MKX: variants seen among roughly 807,000 people sequenced by gnomAD.
The protein encoded by MKX is homeobox protein Mohawk.
Under a neutral mutation model 36.0 loss-of-function variants are expected in MKX, and 13 were observed. That is an observed-to-expected ratio of 0.36 (90% CI 0.24 to 0.57). The LOEUF (loss-of-function observed/expected upper bound fraction) is 0.57. Ranked by LOEUF, MKX falls within the 20% of genes least tolerant of loss-of-function variation. The probability of loss-of-function intolerance (pLI) is 0.79; values close to 1 mark genes in which losing one functional copy is unlikely to be tolerated. For synonymous variants in MKX, 176 were observed against 178.3 expected (o/e 0.99, Z 0.10); for missense variants, 458 against 456.4 (o/e 1.00, Z -0.03).
In MKX at chr10:27,736,390, T is replaced by G. The variant is rs879657457; in HGVS notation, c.349-1016A>C. 4.8e-3 allele frequency among the ~76,000 whole-genome samples: 733 copies of G among 152,302 alleles called. 21 individuals are homozygous for G. Among genetic ancestry groups the G allele is most frequent in the Admixed American group, 0.039 (598 of 15,298 alleles). On this transcript the variant is annotated intron_variant, in intron 3 of 6. Transcript: ENST00000419761. The stretch of plus-strand genomic sequence containing the variant: ...AGAAAAGCTACTTCCATTCTTTTTT[T>G]TTTAAAGATGTTACTGGATTTGATA...
At chr10:27,696,112 C>T (rs1357534610) in intron 5 of MKX, among the ~76,000 whole-genome samples, 1 of 152,172 alleles carries the variant, frequency 6.6e-6, no homozygotes, top group South Asian at 2.1e-4. Context: ...TAACCACACT[C>T]TATTCCTCAA....
chr10:27,712,791 G>T (rs1836895521), intron 5 of MKX, among the ~76,000 whole-genome samples: 1 of 152,154 alleles, frequency 6.6e-6, no homozygotes, highest in African/African-American at 2.4e-5. Flanking sequence ...TAAAATGTTA[G>T]CAAGGTGCAG....
chr10:27,706,549 G>C (rs1007448184), intron 5 of MKX, among the ~76,000 whole-genome samples: 1 of 134,136 alleles, frequency 7.5e-6, no homozygotes, highest in African/African-American at 3.7e-5. Context: ...TAATTCCTGT[G>C]TGTGTGTGTG....
intron 5 of MKX, among the ~76,000 whole-genome samples, chr10:27,719,978 C>CAAAAA (rs201683975): frequency 1.2e-5 from 1 of 84,572 alleles, no homozygotes; most frequent in African/African-American, 3.5e-5. Flanking sequence ...AACAGAGTCT[C>CAAAAA]AAAAAAAAAA....
In MKX at chr10:27,717,507, A is replaced by G. The variant is rs79187415; in HGVS notation, c.838+16949T>C. Among the ~76,000 whole-genome samples, 369 of 152,286 alleles carry G rather than the reference A, an allele frequency of 2.4e-3. 1 individual carries two copies. Among genetic ancestry groups the G allele is most frequent in the African/African-American group, 8.5e-3 (352 of 41,568 alleles). ...TGTAGGTACCATGATCTCAGGCTGG[A>G]CGTCTGGCATTTCTCTTGCCCTTCT... is the stretch of plus-strand genomic sequence containing the variant. On this transcript the variant is annotated intron_variant, in intron 5 of 6. Transcript: ENST00000419761.
chr10:27,734,878 T>C, intron 4 of MKX, 87 bp from the exon 5 acceptor site: 1 of 743,784 alleles, frequency 1.3e-6, no homozygotes. Flanking sequence ...TAAAAATATA[T>C]AAAGGAAATA....
chr10:27,740,189 A>G (rs1834862687), intron 3 of MKX, among the ~76,000 whole-genome samples: 1 of 152,214 alleles, frequency 6.6e-6, no homozygotes. Flanking sequence ...TAATTCCTAA[A>G]GGGAAATTTT....
intron 5 of MKX, among the ~76,000 whole-genome samples, chr10:27,716,899 C>T (rs1836975764): frequency 6.6e-6 from 1 of 152,126 alleles, no homozygotes; most frequent in Admixed American, 6.5e-5. Flanking sequence ...GATGATCAAT[C>T]AGTTGACCTT....
chr10:27,684,330 A>G (rs906677353), intron 5 of MKX, among the ~76,000 whole-genome samples: 2 of 151,980 alleles, frequency 1.3e-5, no homozygotes, highest in African/African-American at 2.4e-5. Flanking sequence ...AGAAAAAAAT[A>G]TATATATATA....
intron 5 of MKX, among the ~76,000 whole-genome samples, chr10:27,708,597 C>T (rs1018554069): frequency 3.9e-5 from 6 of 151,966 alleles, no homozygotes; most frequent in African/African-American, 1.2e-4. Context: ...AGCGTGGTGG[C>T]GTGCGCCTCT....
At chr10:27,703,678 C>T (rs1203147075) in intron 5 of MKX, among the ~76,000 whole-genome samples, 2 of 152,052 alleles carry the variant, frequency 1.3e-5, no homozygotes, top group African/African-American at 4.8e-5. Flanking sequence ...GCGGGCGGAT[C>T]ACTTGAGGTC....
At chr10:27,680,935 G>A (rs1836242877) in intron 5 of MKX, among the ~76,000 whole-genome samples, 1 of 152,138 alleles carries the variant, frequency 6.6e-6, no homozygotes. Flanking sequence ...CAGACCACTA[G>A]GATTATTTGA....
rs1836086986 is a variant in MKX, at chr10:27,673,508, A to G, written c.*1721T>C. 1 of 152,596 alleles carries G rather than the reference A, an allele frequency of 6.6e-6. No individual in the cohort carries two copies. The highest frequency in any genetic ancestry group is 2.1e-4 in the South Asian group (1 of 4,832). 9.5% of individuals were successfully genotyped at this position (152,596 alleles called of 1,614,324 possible). ...GTTTTGCAAAGATTCCAAAGTTTTT[A>G]TCAGAGATCTCTAACTATTTAAGGA... On this transcript the variant is annotated 3_prime_UTR_variant, in exon 7 of 7. Coordinates refer to ENST00000419761, the MANE Select transcript of MKX (RefSeq NM_173576.3).
At chr10:27,689,606 C>T (rs1193858200) in intron 5 of MKX, among the ~76,000 whole-genome samples, 2 of 152,132 alleles carry the variant, frequency 1.3e-5, no homozygotes, top group Non-Finnish European at 2.9e-5. Context: ...CGGGGTAAAA[C>T]TCCTTGCCCG....
intron 5 of MKX, among the ~76,000 whole-genome samples, chr10:27,680,383 A>AAAAAAG (rs1554768913): frequency 3.5e-4 from 50 of 143,122 alleles, no homozygotes; most frequent in African/African-American, 9.0e-4. Context: ...AAAAAAAAAA[A>AAAAAAG]AGGTGTGTAG....
chr10:27,698,774 T>C (rs1229389100), intron 5 of MKX, among the ~76,000 whole-genome samples: 1 of 152,176 alleles, frequency 6.6e-6, no homozygotes, highest in African/African-American at 2.4e-5. Context: ...CTTAGCAACA[T>C]ATTTGGAAAG....
chr10:27,715,760 G>A (rs1836952086), intron 5 of MKX, among the ~76,000 whole-genome samples: 3 of 152,074 alleles, frequency 2.0e-5, no homozygotes, highest in South Asian at 2.1e-4. Context: ...ATACTTTACT[G>A]ACGTCAGCTG....
Position 27,708,112 on chromosome 10 carries a change from T to TA in MKX, c.838+26343dup, listed in dbSNP as rs60778205. ...GTTACTTCTCTTAGTTGATTTAATT[T>TA]AAAAAAAACTAAGAAATCCTTCCAA... On this transcript the variant is annotated intron_variant, in intron 5 of 6. Transcript: ENST00000419761. 4.2e-3 allele frequency among the ~76,000 whole-genome samples: 643 copies of TA among 152,122 alleles called. 17 individuals carry two copies. In the East Asian group the frequency reaches 0.065, roughly 15 times the overall value.
intron 5 of MKX, among the ~76,000 whole-genome samples, chr10:27,701,562 A>G (rs1229160888): frequency 4.1e-5 from 6 of 145,522 alleles, no homozygotes; most frequent in African/African-American, 1.2e-4. Flanking sequence ...ATATAAAATA[A>G]TGTATAAATG....
Sources: gnomAD v4.1 joint callset for allele counts (sites outside exome capture counted in the v4.1 genomes callset) on GRCh38, gnomAD v4.1.1 for gene constraint, MANE v1.5 for transcripts, NCBI Gene and HGNC (gene_info 2026-07-23, HGNC 2026-07-21) for gene names.